PEX7: variants seen among roughly 807,000 people sequenced by gnomAD.
The protein encoded by PEX7 is PTS2 receptor.
In PEX7, 34 loss-of-function variants were observed where a neutral mutation model predicts 47.5. The ratio of observed to expected loss-of-function variants is 0.72; its 90% CI spans 0.54 to 0.95. The LOEUF (loss-of-function observed/expected upper bound fraction) is 0.95. Among genes scored for constraint, PEX7 ranks in the 40% least tolerant of loss-of-function variants. PEX7 has a pLI of 0.00. For synonymous variants in PEX7, 141 were observed against 148.8 expected, an observed-to-expected ratio of 0.95 and a Z score of 0.38; for missense variants, 394 against 400.3, an observed-to-expected ratio of 0.98 and a Z score of 0.13.
intron 1 of PEX7, among the ~76,000 whole-genome samples, chr6:136,824,069 C>T (rs913186498): frequency 2.0e-5 from 3 of 152,172 alleles, no homozygotes; most frequent in Admixed American, 2.0e-4. Flanking sequence ...AAAAATGTTA[C>T]TTCTAAAACT....
intron 9 of PEX7, among the ~76,000 whole-genome samples, chr6:136,902,076 C>T (rs564377434): frequency 3.3e-5 from 5 of 152,216 alleles, no homozygotes; most frequent in African/African-American, 7.2e-5. Flanking sequence ...TGAGCCACTG[C>T]GCCCAGCCAA....
At chr6:136,912,002 T>C (rs567481055) in intron 9 of PEX7, among the ~76,000 whole-genome samples, 2 of 152,330 alleles carry the variant, frequency 1.3e-5, no homozygotes, top group Admixed American at 1.3e-4. Flanking sequence ...TGGTGGTATC[T>C]CATTGTCATT....
At chr6:136,898,705 A>G (rs1775695787) in intron 9 of PEX7, among the ~76,000 whole-genome samples, 1 of 152,208 alleles carries the variant, frequency 6.6e-6, no homozygotes, top group South Asian at 2.1e-4. Context: ...GAGAACAAGT[A>G]AAATAGAATG....
chr6:136,895,220 AGAGT>A (rs1333794952), intron 8 of PEX7, among the ~76,000 whole-genome samples: 1 of 152,206 alleles, frequency 6.6e-6, no homozygotes, highest in Non-Finnish European at 1.5e-5. Flanking sequence ...TGCTAATTAG[AGAGT>A]GAGAATGGGG....
At chr6:136,904,031 G>A (rs758030855) in intron 9 of PEX7, among the ~76,000 whole-genome samples, 3 of 151,990 alleles carry the variant, frequency 2.0e-5, no homozygotes, top group Admixed American at 1.3e-4. Flanking sequence ...CATAATCTTC[G>A]ATACCAGGTT....
chr6:136,900,647 G>T lies in PEX7; in HGVS notation c.903+2406G>T. ...GCGCAGTCAGGGACCCCCATTTTATGAGACAGGGCAGGCAGGAAGACAACC... is the reference window on the plus strand; with the variant it reads ...GCGCAGTCAGGGACCCCCATTTTATTAGACAGGGCAGGCAGGAAGACAACC... On this transcript the variant is annotated intron_variant, in intron 9 of 9. Transcript: ENST00000318471. This position sits in a 1 kb window ranked among gnomAD's most constrained non-coding sequence, Gnocchi z 4.2. The T allele has an allele frequency of 3.0e-6, 1 of 333,630 alleles. No individual in the cohort carries two copies. Among genetic ancestry groups the T allele is most frequent in the South Asian group, 2.4e-5 (1 of 40,890 alleles). The allele number at this position is 333,630 out of a possible 1,614,324, so 20.7% of individuals were successfully genotyped here.
At chr6:136,890,099 A>T (rs1250139357) in intron 8 of PEX7, among the ~76,000 whole-genome samples, 1 of 152,226 alleles carries the variant, frequency 6.6e-6, no homozygotes, top group East Asian at 1.9e-4. Context: ...ACCCTAGTCA[A>T]GAGTGTGGCA....
At chr6:136,842,371 ATGCT>A (rs1194840046) in intron 3 of PEX7, among the ~76,000 whole-genome samples, 5 of 152,214 alleles carry the variant, frequency 3.3e-5, no homozygotes, top group Admixed American at 3.3e-4. Context: ...TAGAGACCTA[ATGCT>A]TGCTACTTGG....
chr6:136,911,381 G>A (rs1313539078), intron 9 of PEX7, among the ~76,000 whole-genome samples: 2 of 151,984 alleles, frequency 1.3e-5, no homozygotes, highest in African/African-American at 2.4e-5. Context: ...ATTTGTTACC[G>A]ATTCTTTTGT....
chr6:136,876,564 C>T (rs930489100), intron 8 of PEX7, among the ~76,000 whole-genome samples: 1 of 152,174 alleles, frequency 6.6e-6, no homozygotes, highest in Non-Finnish European at 1.5e-5. Context: ...TGTTCAACTC[C>T]CACTTATGAG....
intron 8 of PEX7, among the ~76,000 whole-genome samples, chr6:136,894,499 A>C (rs902668747): frequency 6.6e-6 from 1 of 152,206 alleles, no homozygotes; most frequent in African/African-American, 2.4e-5. Flanking sequence ...CTGAGGCAGG[A>C]GAATTGCTTG....
intron 3 of PEX7, among the ~76,000 whole-genome samples, chr6:136,831,668 A>G (rs1422205689): frequency 6.6e-6 from 1 of 152,278 alleles, no homozygotes; most frequent in African/African-American, 2.4e-5. Flanking sequence ...CAGTAGGGCT[A>G]TAGGCATTAG....
At chr6:136,827,223 A>T (rs1054966126) in intron 3 of PEX7, among the ~76,000 whole-genome samples, 1 of 152,208 alleles carries the variant, frequency 6.6e-6, no homozygotes, top group Admixed American at 6.5e-5. Context: ...CTTTTGTGGT[A>T]AAGATTAGTT....
At chr6:136,862,762 C>A (rs1341611167) in intron 5 of PEX7, among the ~76,000 whole-genome samples, 6 of 152,126 alleles carry the variant, frequency 3.9e-5, no homozygotes, top group Admixed American at 3.9e-4. Context: ...CAAGTACCTG[C>A]CTTTGACCTT....
At position 136,872,436 on chromosome 6, in the gene PEX7, G is replaced by C. The variant is rs1582761784; in HGVS notation, c.803+183G>C. Among the ~76,000 whole-genome samples, 6 of 152,054 alleles carry C rather than the reference G, an allele frequency of 3.9e-5. No individual in the cohort carries two copies. The East Asian group carries it at 1.2e-3, about 29-fold the overall frequency. ...GTTTTCGTGATCCAGTCACATATAT[G>C]AGTAAATTTTTTCTCTTCAAATATT... On this transcript the variant is annotated intron_variant, in intron 8 of 9. Coordinates refer to ENST00000318471, the MANE Select transcript of PEX7 (RefSeq NM_000288.4).
chr6:136,863,427 GA>G (rs1046142363), intron 5 of PEX7, among the ~76,000 whole-genome samples: 2 of 151,094 alleles, frequency 1.3e-5, no homozygotes, highest in African/African-American at 2.4e-5. Flanking sequence ...ATCAAAAAAG[GA>G]AAAAAAATCC....
intron 5 of PEX7, among the ~76,000 whole-genome samples, chr6:136,855,354 T>TC (rs1465446718): frequency 1.3e-5 from 2 of 151,340 alleles, no homozygotes; most frequent in African/African-American, 4.9e-5. Flanking sequence ...TTCCTTTTTT[T>TC]TTTTTTTGAG....
chr6:136,844,859 C>T (rs912560227), intron 3 of PEX7, among the ~76,000 whole-genome samples: 4 of 152,170 alleles, frequency 2.6e-5, no homozygotes, highest in Non-Finnish European at 5.9e-5. Context: ...ATACTTCCTA[C>T]GTATATGTGG....
At chr6:136,836,026 T>C (rs1266664697) in intron 3 of PEX7, among the ~76,000 whole-genome samples, 2 of 152,194 alleles carry the variant, frequency 1.3e-5, no homozygotes, top group Non-Finnish European at 2.9e-5. Flanking sequence ...ACTATGCATG[T>C]CTCTGAAGTG....
Sources: gnomAD v4.1 joint callset for allele counts (sites outside exome capture counted in the v4.1 genomes callset) on GRCh38, gnomAD v4.1.1 for gene constraint, Gnocchi (gnomAD v3.1) non-coding constraint, MANE v1.5 for transcripts, NCBI Gene and HGNC (gene_info 2026-07-23, HGNC 2026-07-21) for gene names.